Variants in UBE3D observed in about 807,000 individuals in gnomAD.
The protein encoded by UBE3D is E3 ubiquitin-protein ligase E3D.
UBE3D carries 48 observed loss-of-function variants against 49.6 expected under a neutral mutation model. That is an observed-to-expected ratio of 0.97 (90% CI 0.77 to 1.23). The LOEUF is 1.23. UBE3D is among the 50% of genes most tolerant of loss of function. UBE3D has a pLI of 0.00. For missense variants in UBE3D, 452 were observed against 468.4 expected (o/e 0.96, Z 0.32); for synonymous variants, 189 against 174.2 (o/e 1.08, Z -0.67).
intron 9 of UBE3D, among the ~76,000 whole-genome samples, chr6:82,941,080 T>C (rs544306990): frequency 1.8e-4 from 28 of 151,840 alleles, no homozygotes; most frequent in Non-Finnish European, 3.8e-4. Flanking sequence ...GGGTGTGGCG[T>C]CTGTAATCTC....
At chr6:82,899,249 G>C (rs1225072784) in intron 9 of UBE3D, among the ~76,000 whole-genome samples, 1 of 152,154 alleles carries the variant, frequency 6.6e-6, no homozygotes. Context: ...GTGAGAAGCA[G>C]TCCAATGAGG....
At chr6:82,932,253 T>C (rs1774215801) in intron 9 of UBE3D, among the ~76,000 whole-genome samples, 1 of 152,176 alleles carries the variant, frequency 6.6e-6, no homozygotes, top group African/African-American at 2.4e-5. Flanking sequence ...TATCCACCAC[T>C]ACAGTATCAT....
intron 8 of UBE3D, among the ~76,000 whole-genome samples, chr6:82,989,892 G>A (rs1451582872): frequency 6.6e-6 from 1 of 152,120 alleles, no homozygotes; most frequent in Non-Finnish European, 1.5e-5. Flanking sequence ...ACATAATGCA[G>A]GATTTTTAGC....
At chr6:83,048,767 A>G (rs1582745206) in intron 3 of UBE3D, among the ~76,000 whole-genome samples, 2 of 152,342 alleles carry the variant, frequency 1.3e-5, no homozygotes, top group Admixed American at 1.3e-4. Context: ...AAAACATAAA[A>G]CATTTAAGAA....
intron 8 of UBE3D, among the ~76,000 whole-genome samples, chr6:82,963,410 T>C (rs1377356515): frequency 1.3e-5 from 2 of 152,144 alleles, no homozygotes; most frequent in Admixed American, 1.3e-4. Context: ...GAAACAGAAC[T>C]AATAAGACAG....
At chr6:82,945,194 AG>A (rs1404577382) in intron 9 of UBE3D, among the ~76,000 whole-genome samples, 2 of 152,222 alleles carry the variant, frequency 1.3e-5, no homozygotes, top group Admixed American at 1.3e-4. Flanking sequence ...TCTGACCCAG[AG>A]CAGTCTTTGT....
intron 8 of UBE3D, among the ~76,000 whole-genome samples, chr6:82,986,105 T>A (rs1439428300): frequency 1.3e-5 from 2 of 152,186 alleles, no homozygotes; most frequent in African/African-American, 4.8e-5. Context: ...TGTATTAACT[T>A]AGGTATAACT....
At chr6:83,016,575 C>T (rs2127766052) in intron 8 of UBE3D, among the ~76,000 whole-genome samples, 1 of 151,910 alleles carries the variant, frequency 6.6e-6, no homozygotes, top group Non-Finnish European at 1.5e-5. Flanking sequence ...TCAGGGCTCT[C>T]TAGAGGGACG....
chr6:82,962,014 G>C (rs1041775369), intron 8 of UBE3D, among the ~76,000 whole-genome samples: 9 of 145,932 alleles, frequency 6.2e-5, no homozygotes, highest in African/African-American at 2.3e-4. Context: ...GTGTGTGTCT[G>C]TATTACTTTA....
At chr6:82,939,385 C>A (rs554921220) in intron 9 of UBE3D, among the ~76,000 whole-genome samples, 1 of 152,152 alleles carries the variant, frequency 6.6e-6, no homozygotes, top group East Asian at 1.9e-4. Context: ...CATCGTCTAT[C>A]GTGGGTACAT....
intron 9 of UBE3D, among the ~76,000 whole-genome samples, chr6:82,893,367 A>G (rs6919483): frequency 0.16 from 23,943 of 151,988 alleles, 3,225 homozygotes; most frequent in African/African-American, 0.37. Flanking sequence ...TGGACCTTCC[A>G]TATTTAGAAT....
intron 1 of UBE3D, among the ~76,000 whole-genome samples, chr6:83,061,590 T>C (rs1324250454): frequency 6.6e-6 from 1 of 152,200 alleles, no homozygotes; most frequent in Non-Finnish European, 1.5e-5. Context: ...GCTAAAGTCC[T>C]TTCGATGGTC....
chr6:83,037,528 C>T (rs557442004), intron 5 of UBE3D: 2 of 152,298 alleles, frequency 1.3e-5, no homozygotes, highest in East Asian at 3.9e-4. Flanking sequence ...CTTTTACTAA[C>T]TCATTTTTCC....
At chr6:82,924,544 G>A (rs1309529847) in intron 9 of UBE3D, among the ~76,000 whole-genome samples, 1 of 151,946 alleles carries the variant, frequency 6.6e-6, no homozygotes, top group Non-Finnish European at 1.5e-5. Flanking sequence ...TACACACACT[G>A]GAAAGTGATT....
At chr6:83,024,321 G>A (rs1781300066) in intron 5 of UBE3D, among the ~76,000 whole-genome samples, 1 of 152,148 alleles carries the variant, frequency 6.6e-6, no homozygotes, top group African/African-American at 2.4e-5. Flanking sequence ...CAGGCATAGT[G>A]CACTTAGATA....
intron 4 of UBE3D, 97 bp from the exon 5 acceptor site, chr6:83,038,582 C>T: frequency 9.5e-7 from 1 of 1,048,118 alleles, no homozygotes; most frequent in South Asian, 1.5e-5. Context: ...TTGAACTTTA[C>T]ATTTTATTCT....
chr6:82,893,149 G>C, intron 9 of UBE3D, 107 bp from the exon 10 acceptor site: 1 of 1,319,146 alleles, frequency 7.6e-7, no homozygotes, highest in Non-Finnish European at 1.1e-6. Context: ...AAGATCATAT[G>C]CTTGTTTAAA....
At chr6:83,028,916 C>T (rs1019933769) in intron 5 of UBE3D, among the ~76,000 whole-genome samples, 2 of 152,130 alleles carry the variant, frequency 1.3e-5, no homozygotes, top group Admixed American at 1.3e-4. Context: ...TTTTTCCCCC[C>T]AGCACTTCAC....
intron 8 of UBE3D, among the ~76,000 whole-genome samples, chr6:82,966,327 G>A (rs1776917175): frequency 6.6e-6 from 1 of 152,138 alleles, no homozygotes; most frequent in South Asian, 2.1e-4. Context: ...ACTAGATAGT[G>A]ATAGTGGCAC....
Sources: allele counts gnomAD v4.1 joint callset (sites outside exome capture counted in the v4.1 genomes callset), GRCh38; gene constraint gnomAD v4.1.1; transcripts MANE v1.5; gene names NCBI Gene and HGNC (gene_info 2026-07-23, HGNC 2026-07-21).